Variants in OSBP2 observed in about 807,000 individuals in gnomAD.
OSBP2 encodes the protein oxysterol-binding protein 2.
Under a neutral mutation model 96.0 loss-of-function variants are expected in OSBP2, and 66 were observed. The ratio of observed to expected loss-of-function variants is 0.69; its 90% confidence interval spans 0.56 to 0.84. The LOEUF is 0.84. OSBP2 is among the 40% of genes least tolerant of loss of function. The probability of loss-of-function intolerance (pLI) is 0.00; values close to 1 mark genes in which losing one functional copy is unlikely to be tolerated. For synonymous variants in OSBP2, 525 were observed against 520.9 expected, an observed-to-expected ratio of 1.01 and a Z score of -0.11; for missense variants, 1,038 against 1,222.7, an observed-to-expected ratio of 0.85 and a Z score of 2.25.
In OSBP2 at chr22:30,760,718, A is replaced by G. The variant is rs1204427667; in HGVS notation, c.853+19349A>G. Among the ~76,000 whole-genome samples the G allele has an allele frequency of 2.0e-5, 3 of 152,100 alleles. No individual in the cohort carries two copies. In the East Asian group the frequency reaches 5.8e-4, roughly 29 times the overall value. ...GTAGTCTCAGCTACTTAGGAGGCTG[A>G]GTCAGGAGAATCGCTTGAACCCTGG... On this transcript the variant is annotated intron_variant, in intron 2 of 13. Transcript: ENST00000332585.
At chr22:30,874,494 G>A (rs1263962368) in intron 3 of OSBP2, among the ~76,000 whole-genome samples, 1 of 152,086 alleles carries the variant, frequency 6.6e-6, no homozygotes, top group Non-Finnish European at 1.5e-5. Flanking sequence ...GATATCATAA[G>A]CCTTTAGGTC....
chr22:30,860,996 C>T (rs540231534), intron 2 of OSBP2, among the ~76,000 whole-genome samples: 4 of 152,328 alleles, frequency 2.6e-5, no homozygotes, highest in African/African-American at 9.6e-5. Context: ...AGGAGGCGCC[C>T]TAGCTTGTCT....
chr22:30,872,927 C>T (rs1322446647), intron 3 of OSBP2, among the ~76,000 whole-genome samples: 1 of 152,212 alleles, frequency 6.6e-6, no homozygotes, highest in Non-Finnish European at 1.5e-5. Flanking sequence ...GCCTGAAGGT[C>T]GTGGGATACA....
At chr22:30,708,058 T>C (rs2089284689) in intron 1 of OSBP2, among the ~76,000 whole-genome samples, 1 of 151,964 alleles carries the variant, frequency 6.6e-6, no homozygotes, top group African/African-American at 2.4e-5. Context: ...TGGCTAATTT[T>C]TGCATTTTTA....
chr22:30,865,682 C>T (rs1022322780), intron 2 of OSBP2, among the ~76,000 whole-genome samples: 3 of 148,936 alleles, frequency 2.0e-5, no homozygotes, highest in Non-Finnish European at 3.0e-5. Context: ...AAGTGAGTTG[C>T]GTCAGTGGAA....
chr22:30,787,908 C>T (rs1310421970), intron 2 of OSBP2, among the ~76,000 whole-genome samples: 1 of 152,188 alleles, frequency 6.6e-6, no homozygotes, highest in African/African-American at 2.4e-5. Context: ...CCGAGGGGCC[C>T]GTGGGTCTTA....
chr22:30,706,877 A>G (rs919271042), intron 1 of OSBP2, among the ~76,000 whole-genome samples: 2 of 152,236 alleles, frequency 1.3e-5, no homozygotes, highest in Middle Eastern at 3.4e-3. Context: ...ATGGACCTGT[A>G]TGGATTTCCT....
intron 2 of OSBP2, among the ~76,000 whole-genome samples, chr22:30,766,157 C>A (rs1018198958): frequency 6.6e-6 from 1 of 152,154 alleles, no homozygotes; most frequent in Non-Finnish European, 1.5e-5. Context: ...ATCACTTGAG[C>A]CCAGGAGGTC....
chr22:30,788,700 G>A (rs1382316078), intron 2 of OSBP2, among the ~76,000 whole-genome samples: 5 of 151,994 alleles, frequency 3.3e-5, no homozygotes, highest in Non-Finnish European at 5.9e-5. Context: ...CATCTTGGAG[G>A]GTGAACAATT....
intron 2 of OSBP2, among the ~76,000 whole-genome samples, chr22:30,755,407 A>G (rs1270360417): frequency 1.3e-5 from 2 of 152,184 alleles, no homozygotes; most frequent in African/African-American, 4.8e-5. Context: ...CCTTATTATC[A>G]GATTCTCATT....
chr22:30,845,246 C>T (rs2038844351), intron 2 of OSBP2, among the ~76,000 whole-genome samples: 1 of 152,168 alleles, frequency 6.6e-6, no homozygotes, highest in Non-Finnish European at 1.5e-5. Context: ...GTATGGCCAA[C>T]ATGGTGAAAC....
At chr22:30,779,943 T>A (rs2145805703) in intron 2 of OSBP2, among the ~76,000 whole-genome samples, 1 of 152,316 alleles carries the variant, frequency 6.6e-6, no homozygotes, top group Middle Eastern at 3.4e-3. Context: ...TTGTCTTCCC[T>A]CCTCAGGCTG....
Position 30,906,044 on chromosome 22 carries a change from G to A in OSBP2, c.2583G>A (p.Pro861=), listed in dbSNP as rs761858869. The A allele has an allele frequency of 2.4e-5, 37 of 1,564,912 alleles. No homozygotes were observed. In the African/African-American group the frequency reaches 3.3e-4, roughly 14 times the overall value. Residue 861 remains proline, a synonymous_variant, in exon 13 of 14, where the codon CCG becomes CCA. Coordinates refer to ENST00000332585, the MANE Select transcript of OSBP2 (RefSeq NM_030758.4). ...SRRRRLEACG[P]GSSCSSEEEK... ...GCCGGCGGCTGGAGGCCTGCGGGCC[G>A]GGCAGCAGCTGCAGCTCGGAGGAAG...
chr22:30,872,722 C>A (rs2039484188), intron 3 of OSBP2, among the ~76,000 whole-genome samples: 1 of 152,222 alleles, frequency 6.6e-6, no homozygotes, highest in South Asian at 2.1e-4. Flanking sequence ...GAGTGCAGTG[C>A]TGCCCCGACA....
chr22:30,767,829 A>T (rs2090295665), intron 2 of OSBP2, among the ~76,000 whole-genome samples: 1 of 152,098 alleles, frequency 6.6e-6, no homozygotes, highest in Non-Finnish European at 1.5e-5. Flanking sequence ...CGTTGGCAAG[A>T]TGTGTCTTCT....
chr22:30,865,164 C>T, intron 2 of OSBP2, among the ~76,000 whole-genome samples: 1 of 152,216 alleles, frequency 6.6e-6, no homozygotes. Flanking sequence ...TAGGAGCCTC[C>T]TGATGTTAGA....
At chr22:30,776,772 A>G (rs2090443416) in intron 2 of OSBP2, among the ~76,000 whole-genome samples, 1 of 152,192 alleles carries the variant, frequency 6.6e-6, no homozygotes, top group Non-Finnish European at 1.5e-5. Context: ...GGCTTAGTTA[A>G]GGGAAGATAC....
intron 8 of OSBP2, among the ~76,000 whole-genome samples, chr22:30,891,242 C>T (rs116951946): frequency 0.013 from 1,960 of 152,318 alleles, 28 homozygotes; most frequent in Non-Finnish European, 0.019. Flanking sequence ...GGATAAGCTC[C>T]AGTCCAGGGT....
intron 2 of OSBP2, among the ~76,000 whole-genome samples, chr22:30,845,878 C>CAAAAAAA: frequency 1.4e-5 from 1 of 70,590 alleles, no homozygotes; most frequent in Non-Finnish European, 2.9e-5. Context: ...GAGACTCTCT[C>CAAAAAAA]AAAAAAAAAA....
Sources: allele counts gnomAD v4.1 joint callset (sites outside exome capture counted in the v4.1 genomes callset), GRCh38; gene constraint gnomAD v4.1.1; transcripts MANE v1.5; gene names NCBI Gene and HGNC (gene_info 2026-07-23, HGNC 2026-07-21).